The following VAV2 variants were observed in gnomAD, a reference collection of about 807,000 sequenced individuals.
The protein encoded by VAV2 is guanine nucleotide exchange factor VAV2.
Under a neutral mutation model 132.5 loss-of-function variants are expected in VAV2, and 67 were observed. That is an observed-to-expected ratio of 0.51 (90% CI 0.42 to 0.62). The LOEUF is 0.62. Among genes scored for constraint, VAV2 ranks in the 20% least tolerant of loss-of-function variants. The pLI is 0.00. For missense variants in VAV2, 938 were observed against 1,153.6 expected (o/e 0.81, Z 2.71); for synonymous variants, 492 against 443.5 (o/e 1.11, Z -1.37).
chr9:133,897,239 G>T (rs1839246902), intron 2 of VAV2, among the ~76,000 whole-genome samples: 1 of 152,194 alleles, frequency 6.6e-6, no homozygotes, highest in Admixed American at 6.5e-5. Context: ...GCTCCTTTGA[G>T]CAGCAGCAAG....
Position 133,774,974 on chromosome 9 carries a change from T to A in VAV2, c.2096A>T (p.Glu699Val), listed in dbSNP as rs1471922738. 6.2e-7 allele frequency: 1 copy of A among 1,613,548 alleles called. No homozygotes were observed. The highest frequency in any genetic ancestry group is 1.7e-5 in the Admixed American group (1 of 60,014). ...AAAGCGCTCAGCCTCGGCAGGCCGC[T>A]CCCTGATCAGGTAGGTCCCGCTGGC... Reference protein sequence around the residue: ...SHASGTYLIRERPAEAERFAI... With the variant: ...SHASGTYLIRVRPAEAERFAI... The change falls in exon 25 of 30, where the codon GAG becomes GTG. Residue 699 changes from glutamate to valine, a missense_variant. Transcript: ENST00000371850.
At chr9:133,943,463 C>T (rs1480436965) in intron 1 of VAV2, among the ~76,000 whole-genome samples, 15 of 152,218 alleles carry the variant, frequency 9.9e-5, no homozygotes, top group African/African-American at 1.9e-4. Flanking sequence ...CAGGAGCAAG[C>T]GGCATTCTTC....
In VAV2 at chr9:133,824,667, A is replaced by T. The variant is rs1465959862; in HGVS notation, c.449+9605T>A. ...TAGAGGAACCTCGAGTGAGAAGTGC[A>T]GGGGCCCACAACGGGGTCCCAGGTC... On this transcript the variant is annotated intron_variant, in intron 4 of 29. Transcript: ENST00000371850. This position sits in a 1 kb window ranked among gnomAD's most constrained non-coding sequence, Gnocchi z 5.2. Among the ~76,000 whole-genome samples, 1 of 152,026 alleles carries T rather than the reference A, an allele frequency of 6.6e-6. No homozygotes were observed. Among genetic ancestry groups the T allele is most frequent in the Non-Finnish European group, 1.5e-5 (1 of 67,976 alleles).
intron 2 of VAV2, among the ~76,000 whole-genome samples, chr9:133,890,064 AG>A: frequency 6.6e-6 from 1 of 152,326 alleles, no homozygotes; most frequent in Admixed American, 6.5e-5. Flanking sequence ...CTATGGTGCC[AG>A]GGTGTGGGAT....
chr9:133,977,426 G>A (rs1268642912), intron 1 of VAV2, among the ~76,000 whole-genome samples: 2 of 152,208 alleles, frequency 1.3e-5, no homozygotes, highest in South Asian at 2.1e-4. Context: ...CGGCGCTCAT[G>A]AGCATGAAGG....
intron 1 of VAV2, among the ~76,000 whole-genome samples, chr9:133,968,852 G>A (rs962669469): frequency 2.6e-5 from 4 of 152,266 alleles, no homozygotes; most frequent in South Asian, 4.1e-4. Flanking sequence ...AGCGGCTCGC[G>A]ACAGCACAGC....
chr9:133,959,004 A>G (rs1418996367), intron 1 of VAV2, among the ~76,000 whole-genome samples: 1 of 151,882 alleles, frequency 6.6e-6, no homozygotes, highest in Non-Finnish European at 1.5e-5. Flanking sequence ...GGGAAGTGAG[A>G]GGTGCCGAGA....
intron 2 of VAV2, among the ~76,000 whole-genome samples, chr9:133,901,617 GC>G (rs1225435132): frequency 6.6e-6 from 1 of 152,234 alleles, no homozygotes; most frequent in Non-Finnish European, 1.5e-5. Flanking sequence ...GGCCTCTCCT[GC>G]CCTCCAGCAA....
rs1363902983 is a variant in VAV2, at chr9:133,789,362, G to A, written c.1189-19C>T. 6.2e-7 allele frequency: 1 copy of A among 1,613,206 alleles called. No individual in the cohort carries two copies. Among genetic ancestry groups the A allele is most frequent in the Non-Finnish European group, 8.5e-7 (1 of 1,179,426 alleles). On this transcript the variant is annotated intron_variant, in intron 13 of 29. Coordinates refer to ENST00000371850, the MANE Select transcript of VAV2 (RefSeq NM_001134398.2). ...TCACTTGCTGGGAAGAAGGAGAGGG[G>A]CCGTCAGCCGGGGCTGGAGCAGCCC...
chr9:133,933,196 G>A (rs1488821019), intron 2 of VAV2, among the ~76,000 whole-genome samples: 3 of 152,252 alleles, frequency 2.0e-5, no homozygotes, highest in African/African-American at 4.8e-5. Context: ...AGTGTCCAAG[G>A]CTGATTGTGG....
chr9:133,851,800 A>AATGGATGGATGG (rs141641770), intron 3 of VAV2, among the ~76,000 whole-genome samples: 2,326 of 138,092 alleles, frequency 0.017, 56 homozygotes, highest in African/African-American at 0.068. Context: ...TGGGTGAATA[A>AATGGATGGATGG]ATGGATGGAT....
Position 133,809,807 on chromosome 9 carries a change from G to A in VAV2, c.567+384C>T, listed in dbSNP as rs535090964. 3.3e-5 allele frequency among the ~76,000 whole-genome samples: 5 copies of A among 152,354 alleles called. 1 individual carries two copies. The highest frequency in any genetic ancestry group is 6.8e-3 in the Middle Eastern group (2 of 294). On this transcript the variant is annotated intron_variant, in intron 6 of 29. Coordinates refer to ENST00000371850, the MANE Select transcript of VAV2 (RefSeq NM_001134398.2). The stretch of plus-strand genomic sequence containing the variant: ...GTGAGGTGACAGGTGGGGTCACTGT[G>A]GGGCAGTGATGGATTTTCCCAACAC...
chr9:133,954,828 G>A (rs964686465), intron 1 of VAV2, among the ~76,000 whole-genome samples: 2 of 152,164 alleles, frequency 1.3e-5, no homozygotes, highest in Non-Finnish European at 2.9e-5. Context: ...TGTGCAGTGT[G>A]TGTCTGCATT....
At chr9:133,815,946 AC>A (rs1472889863) in intron 4 of VAV2, among the ~76,000 whole-genome samples, 1 of 151,926 alleles carries the variant, frequency 6.6e-6, no homozygotes, top group Non-Finnish European at 1.5e-5. Flanking sequence ...TGCATTCTAC[AC>A]CCCCAGCCAG....
intron 24 of VAV2, among the ~76,000 whole-genome samples, 178 bp downstream of exon 24, chr9:133,775,850 G>A (rs1390104874): frequency 6.6e-6 from 1 of 152,250 alleles, no homozygotes; most frequent in Non-Finnish European, 1.5e-5. Context: ...GAGAGTTATA[G>A]GCCAGGAGGG....
In VAV2 at chr9:133,883,639, G is replaced by A. The variant is rs1184680332; in HGVS notation, c.322-22207C>T. 6.6e-6 allele frequency among the ~76,000 whole-genome samples: 1 copy of A among 152,214 alleles called. No homozygotes were observed. Among genetic ancestry groups the A allele is most frequent in the East Asian group, 1.9e-4 (1 of 5,196 alleles). Reference sequence around the variant, plus strand: ...GGCAGGTTTCAGCTCGGCCGGAGCAGGCCCTCAGGCACTGGACCTGGGGAG... The same window carrying A: ...GGCAGGTTTCAGCTCGGCCGGAGCAAGCCCTCAGGCACTGGACCTGGGGAG... On this transcript the variant is annotated intron_variant, in intron 2 of 29. Transcript: ENST00000371850. This position sits in a 1 kb window ranked among gnomAD's most constrained non-coding sequence, Gnocchi z 4.2.
intron 1 of VAV2, among the ~76,000 whole-genome samples, chr9:133,976,391 C>T (rs1055810152): frequency 2.0e-5 from 3 of 152,152 alleles, no homozygotes; most frequent in African/African-American, 4.8e-5. Context: ...CCCCCAGCCC[C>T]GCCCAGCCCT....
chr9:133,898,472 T>TA (rs1270367646), intron 2 of VAV2, among the ~76,000 whole-genome samples: 1 of 150,952 alleles, frequency 6.6e-6, no homozygotes, highest in Non-Finnish European at 1.5e-5. Context: ...CAGGTGCCTG[T>TA]AATCCCACCT....
At position 133,768,664 on chromosome 9, in the gene VAV2, T is replaced by C. The variant is rs1318643216; in HGVS notation, c.2435-68A>G. On this transcript the variant is annotated intron_variant, in intron 28 of 29. Transcript: ENST00000371850. This position sits in a 1 kb window ranked among gnomAD's most constrained non-coding sequence, Gnocchi z 5.3. Reference sequence around the variant, plus strand: ...CCCAACCAGTGATCCAGGAGGCCCTTGGGCCAAGCTGGGTCTCTCCCCTGG... The same window carrying C: ...CCCAACCAGTGATCCAGGAGGCCCTCGGGCCAAGCTGGGTCTCTCCCCTGG... The C allele has an allele frequency of 6.5e-7, 1 of 1,543,498 alleles. No homozygotes were observed. The highest frequency in any genetic ancestry group is 2.4e-5 in the East Asian group (1 of 42,342).
Sources: gnomAD v4.1 joint callset for allele counts (sites outside exome capture counted in the v4.1 genomes callset) on GRCh38, gnomAD v4.1.1 for gene constraint, Gnocchi (gnomAD v3.1) non-coding constraint, MANE v1.5 for transcripts, NCBI Gene and HGNC (gene_info 2026-07-23, HGNC 2026-07-21) for gene names.